Variants in TRPC5 observed in about 807,000 individuals in gnomAD.
TRPC5 encodes the protein short transient receptor potential channel 5.
In TRPC5, 9 loss-of-function variants were observed where a neutral mutation model predicts 56.5. The ratio of observed to expected loss-of-function variants is 0.16; its 90% confidence interval spans 0.10 to 0.28. TRPC5 has a LOEUF of 0.28. Among genes scored for constraint, TRPC5 ranks in the 10% least tolerant of loss-of-function variants. The pLI, the probability that TRPC5 is intolerant of heterozygous loss-of-function variation, is 1.00. For missense variants in TRPC5, 469 were observed against 748.9 expected (o/e 0.63, Z 4.36); for synonymous variants, 282 against 278.5 (o/e 1.01, Z -0.13).
At chrX:111,921,381 A>C (rs114961910) in intron 2 of TRPC5, among the ~76,000 whole-genome samples, 1,259 of 111,538 alleles carry the variant, frequency 0.011, 16 homozygotes, top group African/African-American at 0.038. Flanking sequence ...TTCCCTCATT[A>C]ATTAATGAGT....
intron 1 of TRPC5, among the ~76,000 whole-genome samples, chrX:112,071,591 A>G (rs1019449846): frequency 8.9e-6 from 1 of 112,183 alleles, no homozygotes; most frequent in Non-Finnish European, 1.9e-5. Context: ...AGGCTCTGCC[A>G]TTGTAGTAGG....
At chrX:112,054,464 T>C (rs972333688) in intron 1 of TRPC5, among the ~76,000 whole-genome samples, 3 of 110,917 alleles carry the variant, frequency 2.7e-5, no homozygotes. Flanking sequence ...TCTACAATAC[T>C]GCAAGAGAGA....
intron 1 of TRPC5, among the ~76,000 whole-genome samples, chrX:111,963,901 C>G (rs1461664506): frequency 9.0e-6 from 1 of 111,719 alleles, no homozygotes; most frequent in African/African-American, 3.3e-5. Context: ...ACTGGAAACT[C>G]TAAAAACCAG....
At chrX:111,965,026 T>A (rs1178840246) in intron 1 of TRPC5, among the ~76,000 whole-genome samples, 6 of 111,611 alleles carry the variant, frequency 5.4e-5, no homozygotes, top group African/African-American at 1.6e-4. Context: ...AGACACAAAC[T>A]GGCAAATTGG....
chrX:111,822,238 A>T (rs1384104870), intron 7 of TRPC5, among the ~76,000 whole-genome samples: 1 of 110,849 alleles, frequency 9.0e-6, no homozygotes, highest in Non-Finnish European at 1.9e-5. Flanking sequence ...GGTATCTCTC[A>T]CTTGCTTGGT....
intron 1 of TRPC5, among the ~76,000 whole-genome samples, chrX:111,971,042 T>G (rs1465310428): frequency 9.0e-6 from 1 of 111,313 alleles, no homozygotes; most frequent in Non-Finnish European, 1.9e-5. Flanking sequence ...CCTCCCAAAG[T>G]GCTGGGATTA....
chrX:111,904,171 C>T (rs1361898839), intron 3 of TRPC5, among the ~76,000 whole-genome samples: 1 of 111,973 alleles, frequency 8.9e-6, no homozygotes, highest in South Asian at 3.7e-4. Context: ...AGTCCTTTCT[C>T]ATTTGCAAAA....
intron 3 of TRPC5, among the ~76,000 whole-genome samples, chrX:111,885,587 G>A (rs189296126): frequency 3.7e-5 from 4 of 108,486 alleles, no homozygotes; most frequent in Admixed American, 2.9e-4. Context: ...TTGTCTTGGA[G>A]TTCATGGCTT....
chrX:111,865,218 G>A (rs967741707), intron 3 of TRPC5, among the ~76,000 whole-genome samples: 16 of 108,632 alleles, frequency 1.5e-4, no homozygotes, highest in African/African-American at 5.1e-4. Context: ...GTTTTGCCAT[G>A]TTACCCCCCC....
intron 3 of TRPC5, among the ~76,000 whole-genome samples, chrX:111,888,693 C>CAAAAAAAAAA (rs753735549): frequency 9.1e-4 from 10 of 10,950 alleles, no homozygotes; most frequent in Non-Finnish European, 1.3e-3. Context: ...GACTCTATCT[C>CAAAAAAAAAA]AAAAAAAAAA....
chrX:111,841,341 C>T (rs977377028), intron 6 of TRPC5, among the ~76,000 whole-genome samples: 1 of 112,081 alleles, frequency 8.9e-6, no homozygotes, highest in Admixed American at 9.5e-5. Flanking sequence ...AGTCTTACAC[C>T]TGTATCCCTA....
intron 7 of TRPC5, among the ~76,000 whole-genome samples, chrX:111,784,839 G>A (rs934584699): frequency 1.8e-5 from 2 of 112,614 alleles, no homozygotes; most frequent in South Asian, 7.3e-4. Flanking sequence ...GTCTGAGATT[G>A]ATCTGCAAGG....
intron 1 of TRPC5, among the ~76,000 whole-genome samples, chrX:112,068,579 C>T (rs989191353): frequency 5.4e-5 from 6 of 112,008 alleles, no homozygotes; most frequent in African/African-American, 1.3e-4. Context: ...CATCTGCCTG[C>T]GAGGGGCCCA....
At chrX:111,900,380 C>A (rs1379568292) in intron 3 of TRPC5, among the ~76,000 whole-genome samples, 1 of 111,296 alleles carries the variant, frequency 9.0e-6, no homozygotes, top group African/African-American at 3.3e-5. Flanking sequence ...TGTAGATATA[C>A]CCAAGAAAAA....
At chrX:111,892,862 A>G (rs954923255) in intron 3 of TRPC5, among the ~76,000 whole-genome samples, 1 of 111,593 alleles carries the variant, frequency 9.0e-6, no homozygotes, top group African/African-American at 3.3e-5. Context: ...ACCACATACT[A>G]TTTCCTAGAT....
intron 1 of TRPC5, among the ~76,000 whole-genome samples, chrX:111,995,394 G>A (rs887096574): frequency 2.7e-5 from 3 of 111,722 alleles, no homozygotes; most frequent in Non-Finnish European, 5.6e-5. Context: ...TTTTCACATC[G>A]ATGTTCATCA....
intron 7 of TRPC5, among the ~76,000 whole-genome samples, chrX:111,831,481 G>C (rs1426735771): frequency 8.9e-6 from 1 of 111,764 alleles, no homozygotes; most frequent in Non-Finnish European, 1.9e-5. Context: ...AGTCTTGCCT[G>C]CTATCTTGTG....
chrX:112,080,413 C>T (rs1021384247), intron 1 of TRPC5, among the ~76,000 whole-genome samples: 19 of 107,513 alleles, frequency 1.8e-4, no homozygotes, highest in African/African-American at 6.6e-4. Context: ...CACACACACA[C>T]ACACACACAC....
At chrX:111,791,991 T>C (rs1207044699) in intron 7 of TRPC5, among the ~76,000 whole-genome samples, 3 of 112,167 alleles carry the variant, frequency 2.7e-5, no homozygotes, top group Non-Finnish European at 5.6e-5. Context: ...CATTCTACTC[T>C]AAAGACACAT....
Sources: allele counts gnomAD v4.1 joint callset (sites outside exome capture counted in the v4.1 genomes callset), GRCh38; gene constraint gnomAD v4.1.1; transcripts MANE v1.5; gene names NCBI Gene and HGNC (gene_info 2026-07-23, HGNC 2026-07-21).